Variants in ZEB1 observed in about 807,000 individuals in gnomAD.
The protein encoded by ZEB1 is zinc finger E-box-binding homeobox 1.
Under a neutral mutation model 84.9 loss-of-function variants are expected in ZEB1, and 21 were observed. That is an observed-to-expected ratio of 0.25 (90% confidence interval 0.18 to 0.36). ZEB1 has a LOEUF of 0.36. Ranked by LOEUF, ZEB1 falls within the 10% of genes least tolerant of loss-of-function variation. The probability of loss-of-function intolerance (pLI) is 1.00; values close to 1 mark genes in which losing one functional copy is unlikely to be tolerated. For synonymous variants in ZEB1, 420 were observed against 471.1 expected, an observed-to-expected ratio of 0.89 and a Z score of 1.41; for missense variants, 1,104 against 1,330.2, an observed-to-expected ratio of 0.83 and a Z score of 2.65.
intron 1 of ZEB1, among the ~76,000 whole-genome samples, chr10:31,393,497 T>G (rs2050159418): frequency 6.6e-6 from 1 of 152,118 alleles, no homozygotes; most frequent in Non-Finnish European, 1.5e-5. Flanking sequence ...TAGGAATATT[T>G]GCAAATATTT....
intron 2 of ZEB1, among the ~76,000 whole-genome samples, chr10:31,494,560 A>C (rs2066969176): frequency 6.6e-6 from 1 of 152,022 alleles, no homozygotes. Flanking sequence ...ATCAAACCTA[A>C]GAGAAATCTC....
intron 1 of ZEB1, among the ~76,000 whole-genome samples, chr10:31,326,003 G>T (rs2035415707): frequency 1.4e-5 from 2 of 143,340 alleles, no homozygotes; most frequent in Non-Finnish European, 3.0e-5. Flanking sequence ...AGTGCTGAGT[G>T]TAACTAGTTT....
intron 1 of ZEB1, among the ~76,000 whole-genome samples, chr10:31,439,721 G>A (rs906205358): frequency 8.5e-5 from 13 of 152,110 alleles, no homozygotes; most frequent in African/African-American, 2.9e-4. Context: ...CCTCCCTGAG[G>A]AGGTGGAATT....
chr10:31,363,019 C>T (rs2043636962), intron 1 of ZEB1: 6 of 1,533,984 alleles, frequency 3.9e-6, no homozygotes, highest in Non-Finnish European at 4.4e-6. Context: ...GTCTCTATCA[C>T]ACCTCAGTTG....
At chr10:31,491,572 GAAGA>G (rs1233370481) in intron 2 of ZEB1, among the ~76,000 whole-genome samples, 1 of 151,782 alleles carries the variant, frequency 6.6e-6, no homozygotes, top group African/African-American at 2.4e-5. Flanking sequence ...AAAAAAAGAA[GAAGA>G]AAGAAAAAGG....
chr10:31,334,472 T>C (rs1451791913), intron 1 of ZEB1, among the ~76,000 whole-genome samples: 1 of 152,102 alleles, frequency 6.6e-6, no homozygotes, highest in Non-Finnish European at 1.5e-5. Flanking sequence ...AATGGGAATT[T>C]ATAGATTTTA....
At chr10:31,383,267 G>T (rs2048023221) in intron 1 of ZEB1, among the ~76,000 whole-genome samples, 2 of 152,054 alleles carry the variant, frequency 1.3e-5, no homozygotes, top group South Asian at 4.1e-4. Context: ...TGGCACATGT[G>T]GCTGCTGAGC....
At chr10:31,473,412 G>C (rs1265786407) in intron 2 of ZEB1, among the ~76,000 whole-genome samples, 4 of 151,658 alleles carry the variant, frequency 2.6e-5, no homozygotes, top group Non-Finnish European at 4.4e-5. Context: ...TTATACACCA[G>C]TAACAGACAA....
At chr10:31,427,043 C>T (rs1564817207) in intron 1 of ZEB1, among the ~76,000 whole-genome samples, 1 of 151,746 alleles carries the variant, frequency 6.6e-6, no homozygotes, top group Non-Finnish European at 1.5e-5. Flanking sequence ...TGTAGTCTCT[C>T]TTACTTCTTG....
chr10:31,418,162 C>G (rs1424074584), intron 1 of ZEB1, among the ~76,000 whole-genome samples: 1 of 151,848 alleles, frequency 6.6e-6, no homozygotes, highest in Non-Finnish European at 1.5e-5. Flanking sequence ...ATCCAGCATG[C>G]ACTCCCTAAA....
At chr10:31,466,914 A>G (rs1396625328) in intron 2 of ZEB1, among the ~76,000 whole-genome samples, 1 of 152,214 alleles carries the variant, frequency 6.6e-6, no homozygotes, top group Non-Finnish European at 1.5e-5. Context: ...AAATGAGGAG[A>G]GGGATTAAAG....
At position 31,327,660 on chromosome 10, in the gene ZEB1, TG is replaced by T. The variant is rs2035866400; in HGVS notation, c.58+8370del. ...CTCAGCACTACCATATCTAGGGACA[TG>T]GTATTGTCCAGACATAGTATTGCTG... On this transcript the variant is annotated intron_variant, in intron 1 of 8. Coordinates refer to ENST00000424869, the MANE Select transcript of ZEB1 (RefSeq NM_001174096.2). 2.6e-5 allele frequency among the ~76,000 whole-genome samples: 4 copies of T among 152,328 alleles called. No individual in the cohort carries two copies. In the South Asian group the frequency reaches 8.3e-4, roughly 32 times the overall value.
At chr10:31,319,471 C>T (rs1432752416) in intron 1 of ZEB1, 179 bp downstream of exon 1, 9 of 635,172 alleles carry the variant, frequency 1.4e-5, no homozygotes, top group Admixed American at 8.6e-5. Context: ...CTGCCGGAGC[C>T]GCGCCGCGGC....
Position 31,523,913 on chromosome 10 carries a change from T to G in ZEB1, c.2605-20T>G. On this transcript the variant is annotated intron_variant, in intron 7 of 8. Coordinates refer to ENST00000424869, the MANE Select transcript of ZEB1 (RefSeq NM_001174096.2). ...TCTTTTAATGTTAAATTACATTTTC[T>G]CACACCTTTCTCCCTCTAGGATGAA... 6.2e-7 allele frequency: 1 copy of G among 1,612,610 alleles called. No homozygotes were observed.
intron 1 of ZEB1, among the ~76,000 whole-genome samples, chr10:31,348,599 AT>A (rs2040752842): frequency 1.3e-5 from 2 of 152,076 alleles, no homozygotes; most frequent in Non-Finnish European, 1.5e-5. Context: ...ATAGAGTCCC[AT>A]AAAATTATGT....
chr10:31,478,544 C>T (rs1022508185), intron 2 of ZEB1, among the ~76,000 whole-genome samples: 2 of 151,828 alleles, frequency 1.3e-5, no homozygotes, highest in Non-Finnish European at 2.9e-5. Flanking sequence ...AAGAAAGACA[C>T]CTTTATGTAT....
chr10:31,330,013 G>A (rs1448543582), intron 1 of ZEB1, among the ~76,000 whole-genome samples: 5 of 152,026 alleles, frequency 3.3e-5, no homozygotes, highest in Non-Finnish European at 7.4e-5. Context: ...TTTTCTTAAT[G>A]GTACCATTGA....
intron 1 of ZEB1, among the ~76,000 whole-genome samples, chr10:31,433,111 G>A (rs1345510340): frequency 2.0e-5 from 3 of 152,152 alleles, no homozygotes; most frequent in Admixed American, 6.5e-5. Context: ...GAATTTTATA[G>A]TTACATTAAA....
intron 5 of ZEB1, among the ~76,000 whole-genome samples, chr10:31,512,286 G>A (rs61643737): frequency 0.011 from 1,625 of 152,216 alleles, 26 homozygotes; most frequent in African/African-American, 0.037. Flanking sequence ...AACTGGTGGC[G>A]AAAGCAGAAG....
Sources: gnomAD v4.1 joint callset for allele counts (sites outside exome capture counted in the v4.1 genomes callset) on GRCh38, gnomAD v4.1.1 for gene constraint, MANE v1.5 for transcripts, NCBI Gene and HGNC (gene_info 2026-07-23, HGNC 2026-07-21) for gene names.